Variants in CHCHD6 observed in about 807,000 individuals in gnomAD.
CHCHD6 encodes MICOS complex subunit MIC25.
In CHCHD6, 28 loss-of-function variants were observed where a neutral mutation model predicts 32.3. That is an observed-to-expected ratio of 0.87 (90% CI 0.64 to 1.19). CHCHD6 has a LOEUF of 1.19. Ranked by LOEUF, CHCHD6 falls within the 50% of genes most tolerant of loss-of-function variation. The pLI, the probability that CHCHD6 is intolerant of heterozygous loss-of-function variation, is 0.00. For synonymous variants in CHCHD6, 122 were observed against 117.5 expected (o/e 1.04, Z -0.25); for missense variants, 333 against 307.0 (o/e 1.08, Z -0.63).
At chr3:126,835,580 A>G (rs1048905721) in intron 4 of CHCHD6, among the ~76,000 whole-genome samples, 1 of 151,704 alleles carries the variant, frequency 6.6e-6, no homozygotes, top group African/African-American at 2.4e-5. Context: ...GCAGTTCATC[A>G]CTCCTGTTCT....
At chr3:126,882,062 C>T (rs1165147257) in intron 5 of CHCHD6, among the ~76,000 whole-genome samples, 2 of 152,208 alleles carry the variant, frequency 1.3e-5, no homozygotes, top group Non-Finnish European at 2.9e-5. Flanking sequence ...TTGGCCACTC[C>T]CTGATTTGTT....
At chr3:126,789,461 C>G (rs1938408947) in intron 4 of CHCHD6, among the ~76,000 whole-genome samples, 1 of 152,118 alleles carries the variant, frequency 6.6e-6, no homozygotes, top group Non-Finnish European at 1.5e-5. Context: ...GAGTCTAAGT[C>G]TCTTTGTAGG....
At chr3:126,943,982 A>G (rs182115381) in intron 6 of CHCHD6, among the ~76,000 whole-genome samples, 44 of 152,384 alleles carry the variant, frequency 2.9e-4, no homozygotes, top group African/African-American at 1.0e-3. Context: ...CAAAACTGTG[A>G]AACTCCTAGA....
chr3:126,736,905 A>G lies in CHCHD6; in HGVS notation c.411+3683A>G, dbSNP rs371246320. 1.8e-4 allele frequency among the ~76,000 whole-genome samples: 28 copies of G among 152,306 alleles called. No homozygotes were observed. The South Asian group carries it at 2.5e-3, about 14-fold the overall frequency. ...GGGTGGAGTCTTAAAAATCAAATGG[A>G]TGGAGTAATCAAGTCCTGGGTGAGG... is the stretch of plus-strand genomic sequence containing the variant. On this transcript the variant is annotated intron_variant, in intron 4 of 7. Coordinates refer to ENST00000290913, the MANE Select transcript of CHCHD6 (RefSeq NM_032343.3).
chr3:126,892,455 G>A (rs902727300), intron 5 of CHCHD6, among the ~76,000 whole-genome samples: 3 of 152,170 alleles, frequency 2.0e-5, no homozygotes, highest in Admixed American at 2.0e-4. Context: ...GCCGCAGGGT[G>A]CTCACAACTT....
At chr3:126,949,097 GC>G (rs2078678878) in intron 6 of CHCHD6, among the ~76,000 whole-genome samples, 1 of 152,196 alleles carries the variant, frequency 6.6e-6, no homozygotes, top group Non-Finnish European at 1.5e-5. Context: ...TTATAGCACT[GC>G]CAGGTCCAGT....
At chr3:126,936,881 G>A (rs1191454309) in intron 6 of CHCHD6, among the ~76,000 whole-genome samples, 1 of 152,222 alleles carries the variant, frequency 6.6e-6, no homozygotes, top group Non-Finnish European at 1.5e-5. Flanking sequence ...GTGGCTGCTA[G>A]AAAACTGATA....
At chr3:126,917,503 A>G (rs557265409) in intron 6 of CHCHD6, among the ~76,000 whole-genome samples, 8 of 152,240 alleles carry the variant, frequency 5.3e-5, no homozygotes, top group African/African-American at 1.9e-4. Flanking sequence ...CTTCACTTCT[A>G]CAGGCCTCCG....
At chr3:126,911,916 A>AG (rs1296263942) in intron 5 of CHCHD6, among the ~76,000 whole-genome samples, 1 of 152,188 alleles carries the variant, frequency 6.6e-6, no homozygotes, top group Non-Finnish European at 1.5e-5. Flanking sequence ...AACCACAGGA[A>AG]GAGGGGTTTG....
chr3:126,802,007 T>A lies in CHCHD6; in HGVS notation c.412-50640T>A, dbSNP rs141914988. 4.2e-3 allele frequency among the ~76,000 whole-genome samples: 642 copies of A among 152,308 alleles called. 7 individuals carry two copies. Among genetic ancestry groups the A allele is most frequent in the African/African-American group, 0.014 (594 of 41,544 alleles). On this transcript the variant is annotated intron_variant, in intron 4 of 7. Transcript: ENST00000290913. ...AACAGATCTGCAGCTGAGGGTCCTG[T>A]CCGTTAGAAGGAAAACTAACAAACA... is the stretch of plus-strand genomic sequence containing the variant.
At chr3:126,778,926 ATTTTTTT>A (rs71150453) in intron 4 of CHCHD6, among the ~76,000 whole-genome samples, 44 of 133,154 alleles carry the variant, frequency 3.3e-4, no homozygotes, top group East Asian at 2.8e-3. Context: ...GGCTCATTAA[ATTTTTTT>A]TTTTTTTTTT....
intron 4 of CHCHD6, among the ~76,000 whole-genome samples, chr3:126,754,760 C>T (rs747440943): frequency 2.0e-5 from 3 of 152,154 alleles, no homozygotes; most frequent in Non-Finnish European, 4.4e-5. Flanking sequence ...GTTTTTAGTC[C>T]CCATCGAATC....
intron 1 of CHCHD6, among the ~76,000 whole-genome samples, chr3:126,711,398 G>A (rs1934743735): frequency 6.6e-6 from 1 of 152,144 alleles, no homozygotes; most frequent in Non-Finnish European, 1.5e-5. Flanking sequence ...CTCCTTGACT[G>A]TTTCAGTTTG....
chr3:126,710,314 T>C (rs1319654989), intron 1 of CHCHD6, among the ~76,000 whole-genome samples: 2 of 152,368 alleles, frequency 1.3e-5, no homozygotes, highest in East Asian at 1.9e-4. Flanking sequence ...TCTGTCCTTA[T>C]GCCAGTACCA....
intron 1 of CHCHD6, among the ~76,000 whole-genome samples, chr3:126,724,817 C>T (rs1399737600): frequency 6.6e-6 from 1 of 152,190 alleles, no homozygotes; most frequent in African/African-American, 2.4e-5. Flanking sequence ...GGAGCAGATT[C>T]CATCTCAAGA....
intron 1 of CHCHD6, among the ~76,000 whole-genome samples, chr3:126,713,670 C>T (rs540990656): frequency 6.6e-6 from 1 of 152,120 alleles, no homozygotes; most frequent in Non-Finnish European, 1.5e-5. Context: ...CCTTTCTGCC[C>T]CATGAACAGG....
chr3:126,790,921 T>C (rs1938502756), intron 4 of CHCHD6, among the ~76,000 whole-genome samples: 1 of 152,140 alleles, frequency 6.6e-6, no homozygotes, highest in African/African-American at 2.4e-5. Flanking sequence ...ATTTTCAGTT[T>C]TTCTCTTCTG....
chr3:126,832,886 A>G (rs1326817720), intron 4 of CHCHD6, among the ~76,000 whole-genome samples: 1 of 152,184 alleles, frequency 6.6e-6, no homozygotes, highest in Non-Finnish European at 1.5e-5. Flanking sequence ...TCCCCCAGCC[A>G]AGGTCTACAG....
intron 4 of CHCHD6, among the ~76,000 whole-genome samples, chr3:126,787,112 T>C (rs1427441456): frequency 6.6e-6 from 1 of 152,230 alleles, no homozygotes; most frequent in African/African-American, 2.4e-5. Context: ...TTTTGTCAGG[T>C]TTGTCAAAGA....
Sources: gnomAD v4.1 joint callset for allele counts (sites outside exome capture counted in the v4.1 genomes callset) on GRCh38, gnomAD v4.1.1 for gene constraint, MANE v1.5 for transcripts, NCBI Gene and HGNC (gene_info 2026-07-23, HGNC 2026-07-21) for gene names.